Variants in CUL3 observed in about 807,000 individuals in gnomAD.
CUL3 encodes cullin-3.
CUL3 carries 19 observed loss-of-function variants against 89.1 expected under a neutral mutation model. The observed-to-expected ratio is 0.21, with a 90% CI of 0.15 to 0.31. The LOEUF is 0.31. Among genes scored for constraint, CUL3 ranks in the 10% least tolerant of loss-of-function variants. The pLI is 1.00. For synonymous variants in CUL3, 351 were observed against 308.4 expected, an observed-to-expected ratio of 1.14 and a Z score of -1.45; for missense variants, 469 against 942.3, an observed-to-expected ratio of 0.50 and a Z score of 6.58.
At position 224,497,777 on chromosome 2, in the gene CUL3, G is replaced by A; in HGVS notation, c.1683C>T (p.Ala561=). The change falls in exon 12 of 16, where the codon GCC becomes GCT. Residue 561 remains alanine (A), a synonymous_variant. Transcript: ENST00000264414. ...QHHMGSADLN[A]TFYGPVKKED... ...CCTTTTTAACTGGTCCATAAAATGT[G>A]GCATTGAGATCTGCAGAACCCATAT... 6.2e-7 allele frequency: 1 copy of A among 1,613,512 alleles called. No homozygotes were observed. Among genetic ancestry groups the A allele is most frequent in the Non-Finnish European group, 8.5e-7 (1 of 1,179,516 alleles).
intron 3 of CUL3, among the ~76,000 whole-genome samples, chr2:224,534,826 A>G (rs1693823137): frequency 6.6e-6 from 1 of 151,688 alleles, no homozygotes; most frequent in African/African-American, 2.4e-5. Context: ...ACTAAAAAGA[A>G]AAATAAAATA....
chr2:224,506,806 C>T (rs1692619985), intron 7 of CUL3, 52 bp downstream of exon 7: 1 of 1,580,672 alleles, frequency 6.3e-7, no homozygotes, highest in African/African-American at 1.4e-5. Context: ...CTTTTTAGCA[C>T]TTGTCAAAAT....
At chr2:224,523,058 T>C (rs901882405) in intron 3 of CUL3, among the ~76,000 whole-genome samples, 8 of 152,318 alleles carry the variant, frequency 5.3e-5, no homozygotes, top group African/African-American at 1.9e-4. Flanking sequence ...AAACAGTTAA[T>C]CACACTTTGA....
chr2:224,509,835 G>GCAAA (rs1692748148), intron 6 of CUL3, among the ~76,000 whole-genome samples: 1 of 152,178 alleles, frequency 6.6e-6, no homozygotes, highest in South Asian at 2.1e-4. Flanking sequence ...TTTAAGCAGG[G>GCAAA]CAAATGCTTT....
chr2:224,563,225 A>G (rs1694957092), intron 1 of CUL3: 1 of 471,028 alleles, frequency 2.1e-6, no homozygotes, highest in Admixed American at 2.4e-5. Context: ...TTTAGAAAAC[A>G]TTATTCCCCT....
rs552925358 is a variant in CUL3 at position 224,585,176 on chromosome 2, G to GGGC, written c.-170_-168dup. On this transcript the variant is annotated 5_prime_UTR_variant, in exon 1 of 16. Transcript: ENST00000264414. ...CCCTGGGCAGCCGCGGCGGCGGCGG[G>GGGC]GGCGGCGGCGGCGGCGGCGGCGGCT... The GGGC allele has an allele frequency of 5.4e-4, 141 of 261,188 alleles. No individual in the cohort carries two copies. The highest frequency in any genetic ancestry group is 1.3e-3 in the African/African-American group (57 of 42,666). 16.2% of individuals were successfully genotyped at this position (261,188 alleles called of 1,614,324 possible).
At chr2:224,571,122 T>A (rs1695171071) in intron 1 of CUL3, among the ~76,000 whole-genome samples, 2 of 152,162 alleles carry the variant, frequency 1.3e-5, no homozygotes, top group African/African-American at 4.8e-5. Context: ...CTACTATTGG[T>A]GCTATTTCCA....
chr2:224,573,626 G>A (rs931610177), intron 1 of CUL3, among the ~76,000 whole-genome samples: 5 of 152,226 alleles, frequency 3.3e-5, no homozygotes, highest in Admixed American at 2.0e-4. Context: ...AAGCTTCAGC[G>A]TCCCCAGATC....
At chr2:224,584,471 G>T (rs1351375935) in intron 1 of CUL3, among the ~76,000 whole-genome samples, 1 of 152,130 alleles carries the variant, frequency 6.6e-6, no homozygotes, top group Non-Finnish European at 1.5e-5. Context: ...TCCTGGGGAG[G>T]GGGGCAGAGA....
chr2:224,580,512 C>T (rs374635842), intron 1 of CUL3, among the ~76,000 whole-genome samples: 108 of 152,200 alleles, frequency 7.1e-4, no homozygotes, highest in Middle Eastern at 3.4e-3. Context: ...GGCGAAACCC[C>T]ATCACTACTT....
chr2:224,512,961 C>G (rs772175035), intron 5 of CUL3, among the ~76,000 whole-genome samples: 1 of 152,096 alleles, frequency 6.6e-6, no homozygotes, highest in Admixed American at 6.5e-5. Context: ...ATCAAGCCCT[C>G]CTTCTTCTTA....
chr2:224,548,418 T>C (rs922893299), intron 2 of CUL3, among the ~76,000 whole-genome samples: 1 of 152,208 alleles, frequency 6.6e-6, no homozygotes, highest in East Asian at 1.9e-4. Flanking sequence ...AGAAAAACTT[T>C]GAAAACCACT....
chr2:224,496,879 C>G (rs145833272), intron 12 of CUL3, among the ~76,000 whole-genome samples: 1 of 152,002 alleles, frequency 6.6e-6, no homozygotes, highest in African/African-American at 2.4e-5. Flanking sequence ...GAAAAAAAAC[C>G]CTCTTTTAAA....
chr2:224,542,698 C>T (rs1177676574), intron 2 of CUL3, among the ~76,000 whole-genome samples: 2 of 152,116 alleles, frequency 1.3e-5, no homozygotes. Context: ...CATGAGTCAC[C>T]GTGTCTGGCC....
At position 224,485,634 on chromosome 2, in the gene CUL3, C is replaced by T. The variant is rs1327410288; in HGVS notation, c.1843-3556G>A. ...GTCACGGGCTTGTAAATAAAACTCCCATCTCCCTGGGACAGAGCACCTGGG... is the reference window on the plus strand; with the variant it reads ...GTCACGGGCTTGTAAATAAAACTCCTATCTCCCTGGGACAGAGCACCTGGG... On this transcript the variant is annotated intron_variant, in intron 13 of 15. Coordinates refer to ENST00000264414, the MANE Select transcript of CUL3 (RefSeq NM_003590.5). The surrounding 1 kb of genome is among the most constrained non-coding windows in gnomAD (Gnocchi z 4.1). 6.6e-6 allele frequency among the ~76,000 whole-genome samples: 1 copy of T among 152,236 alleles called. No individual in the cohort carries two copies. Among genetic ancestry groups the T allele is most frequent in the Non-Finnish European group, 1.5e-5 (1 of 68,038 alleles).
intron 2 of CUL3, among the ~76,000 whole-genome samples, chr2:224,548,143 A>C (rs567235865): frequency 6.6e-6 from 1 of 152,384 alleles, no homozygotes; most frequent in South Asian, 2.1e-4. Flanking sequence ...GTCCCCTTCA[A>C]GGCTGCAATT....
intron 13 of CUL3, chr2:224,495,322 A>G (rs1692131034): frequency 6.6e-6 from 1 of 152,460 alleles, no homozygotes; most frequent in African/African-American, 2.4e-5. Flanking sequence ...AGCTCTACTT[A>G]GCCTAAATCC....
At chr2:224,526,585 CAAAA>C (rs1166152595) in intron 3 of CUL3, among the ~76,000 whole-genome samples, 5 of 26,160 alleles carry the variant, frequency 1.9e-4, no homozygotes, top group East Asian at 8.4e-4. Flanking sequence ...GACTCCGTCT[CAAAA>C]AAAAAAAAAA....
intron 3 of CUL3, among the ~76,000 whole-genome samples, chr2:224,517,073 CCAA>C (rs1342154224): frequency 6.6e-6 from 1 of 151,968 alleles, no homozygotes; most frequent in African/African-American, 2.4e-5. Context: ...AATTCAAAAA[CCAA>C]CAAGAATCCC....
Sources: allele counts gnomAD v4.1 joint callset (sites outside exome capture counted in the v4.1 genomes callset), GRCh38; gene constraint gnomAD v4.1.1; non-coding constraint Gnocchi (gnomAD v3.1); transcripts MANE v1.5; gene names NCBI Gene and HGNC (gene_info 2026-07-23, HGNC 2026-07-21).